Variants in BNC2 observed in about 807,000 individuals in gnomAD.
BNC2 encodes the protein basonuclin zinc finger protein 2, also known as zinc finger protein basonuclin-2.
Under a neutral mutation model 76.3 loss-of-function variants are expected in BNC2, and 20 were observed. The observed-to-expected ratio is 0.26, with a 90% CI of 0.18 to 0.38. The LOEUF (loss-of-function observed/expected upper bound fraction) is 0.38. Among genes scored for constraint, BNC2 ranks in the 10% least tolerant of loss-of-function variants. The pLI is 1.00. For synonymous variants in BNC2, 582 were observed against 514.8 expected, an observed-to-expected ratio of 1.13 and a Z score of -1.77; for missense variants, 1,382 against 1,399.8, an observed-to-expected ratio of 0.99 and a Z score of 0.20.
intron 5 of BNC2, among the ~76,000 whole-genome samples, chr9:16,456,971 T>G (rs929480149): frequency 1.3e-5 from 2 of 152,128 alleles, no homozygotes; most frequent in Admixed American, 1.3e-4. Context: ...TATTCAATAG[T>G]AGAAAGCAGG....
At chr9:16,865,760 AATGAT>A (rs1315107089) in intron 1 of BNC2, among the ~76,000 whole-genome samples, 3 of 152,190 alleles carry the variant, frequency 2.0e-5, no homozygotes, top group Non-Finnish European at 4.4e-5. Context: ...AAACTTAAAG[AATGAT>A]ATATCTGTAA....
intron 5 of BNC2, among the ~76,000 whole-genome samples, chr9:16,480,504 T>A (rs1344073924): frequency 2.6e-5 from 4 of 151,928 alleles, no homozygotes. Flanking sequence ...CAGGGAGGTG[T>A]GGAGGGAGAG....
Position 16,540,798 on chromosome 9 carries a change from T to C in BNC2, c.669+11732A>G, listed in dbSNP as rs137963705. Reference sequence around the variant, plus strand: ...GCTGTTCACACTTCATGGTTTTTCCTTGTTATTGCTCAGGACAGACACTAG... The same window carrying C: ...GCTGTTCACACTTCATGGTTTTTCCCTGTTATTGCTCAGGACAGACACTAG... On this transcript the variant is annotated intron_variant, in intron 5 of 6. Transcript: ENST00000380672. 2.5e-3 allele frequency among the ~76,000 whole-genome samples: 385 copies of C among 152,312 alleles called. 4 individuals carry two copies. The highest frequency in any genetic ancestry group is 0.021 in the Admixed American group (325 of 15,290).
At chr9:16,856,615 G>A (rs1819264945) in intron 1 of BNC2, among the ~76,000 whole-genome samples, 1 of 152,122 alleles carries the variant, frequency 6.6e-6, no homozygotes. Context: ...TTTACTGGGT[G>A]AAAAATATGG....
intron 3 of BNC2, chr9:16,685,576 A>C (rs1457073601): frequency 3.1e-6 from 4 of 1,304,180 alleles, no homozygotes. Flanking sequence ...TGGCTCCTCC[A>C]GGTTTGGGCA....
chr9:16,594,294 C>G (rs368241372), intron 3 of BNC2, among the ~76,000 whole-genome samples: 1 of 152,098 alleles, frequency 6.6e-6, no homozygotes, highest in African/African-American at 2.4e-5. Flanking sequence ...AGAAGTAACA[C>G]AAAAGTTGTC....
chr9:16,446,902 C>A (rs1047307133), intron 5 of BNC2, among the ~76,000 whole-genome samples: 9 of 152,158 alleles, frequency 5.9e-5, no homozygotes, highest in Admixed American at 2.0e-4. Flanking sequence ...TAGCTTAAAA[C>A]CAGCCATATG....
chr9:16,867,801 C>T (rs1390297044), intron 1 of BNC2: 1 of 144,534 alleles, frequency 6.9e-6, no homozygotes, highest in Non-Finnish European at 1.5e-5. Flanking sequence ...CAAGGACTAA[C>T]TTGGAAGGCA....
chr9:16,779,114 T>TAAAAAAAAAAA (rs143267899), intron 1 of BNC2, among the ~76,000 whole-genome samples: 4 of 85,550 alleles, frequency 4.7e-5, no homozygotes, highest in African/African-American at 9.1e-5. Context: ...ACAAAAATTG[T>TAAAAAAAAAAA]AAAAAAAAAA....
intron 3 of BNC2, among the ~76,000 whole-genome samples, chr9:16,696,310 T>A (rs746695119): frequency 6.6e-6 from 1 of 152,210 alleles, no homozygotes; most frequent in African/African-American, 2.4e-5. Flanking sequence ...TCCTTCTTCA[T>A]GAAAAATGCT....
intron 1 of BNC2, among the ~76,000 whole-genome samples, chr9:16,818,560 T>G (rs1818239990): frequency 1.3e-5 from 2 of 152,178 alleles, no homozygotes; most frequent in Admixed American, 1.3e-4. Context: ...TGATTCATAA[T>G]AAATGGTCAA....
chr9:16,555,258 C>T (rs533193032), intron 4 of BNC2, among the ~76,000 whole-genome samples: 104 of 151,990 alleles, frequency 6.8e-4, no homozygotes, highest in African/African-American at 2.4e-3. Context: ...CTCCTGACCT[C>T]GTGATCCACC....
chr9:16,711,202 T>A (rs979495318), intron 3 of BNC2, among the ~76,000 whole-genome samples: 79 of 152,268 alleles, frequency 5.2e-4, no homozygotes, highest in African/African-American at 1.8e-3. Flanking sequence ...AGGATGATCA[T>A]TTTTTTAAAT....
chr9:16,470,329 A>G (rs112159636), intron 5 of BNC2, among the ~76,000 whole-genome samples: 4 of 152,284 alleles, frequency 2.6e-5, no homozygotes, highest in African/African-American at 7.2e-5. Context: ...GCAGAGCACA[A>G]AAGTTTAAAA....
chr9:16,436,552 G>A lies in BNC2; in HGVS notation c.1642C>T (p.Pro548Ser), dbSNP rs1157375825. ...PMGFTTPPLD[P>S]VLQNPLPSQL... ...CTAGGGAGAGGATTTTGCAAGACAGGGTCTAGAGGGGGAGTGGTAAAACCC... is the reference window on the plus strand; with the variant it reads ...CTAGGGAGAGGATTTTGCAAGACAGAGTCTAGAGGGGGAGTGGTAAAACCC... Residue 548 changes from proline (P) to serine (S), a missense_variant, in exon 6 of 7, where the codon CCT (proline) becomes TCT (serine). By Grantham distance (74) the Pro-to-Ser change is moderately conservative (BLOSUM62 -1). Coordinates refer to ENST00000380672, the MANE Select transcript of BNC2 (RefSeq NM_017637.6). 2 of 1,613,956 alleles carry A rather than the reference G, an allele frequency of 1.2e-6. No homozygotes were observed. The highest frequency in any genetic ancestry group is 2.2e-5 in the East Asian group (1 of 44,886).
At chr9:16,756,672 C>T (rs1825391462) in intron 1 of BNC2, among the ~76,000 whole-genome samples, 1 of 152,138 alleles carries the variant, frequency 6.6e-6, no homozygotes, top group Non-Finnish European at 1.5e-5. Context: ...GAACCTCTCC[C>T]CTTGCCTTCA....
intron 5 of BNC2, among the ~76,000 whole-genome samples, chr9:16,536,297 G>A (rs1818128370): frequency 6.6e-6 from 1 of 152,076 alleles, no homozygotes; most frequent in Non-Finnish European, 1.5e-5. Context: ...TTAAAGGCAT[G>A]CAACATTGTG....
chr9:16,856,470 A>C (rs1390109649), intron 1 of BNC2, among the ~76,000 whole-genome samples: 1 of 152,122 alleles, frequency 6.6e-6, no homozygotes, highest in African/African-American at 2.4e-5. Context: ...ACAGGATCTC[A>C]CTATCTTGCC....
intron 5 of BNC2, among the ~76,000 whole-genome samples, chr9:16,517,819 A>C (rs1450610918): frequency 6.6e-6 from 1 of 152,158 alleles, no homozygotes; most frequent in Non-Finnish European, 1.5e-5. Flanking sequence ...TTTCTAAAGC[A>C]GGGTGGACAA....
Sources: allele counts gnomAD v4.1 joint callset (sites outside exome capture counted in the v4.1 genomes callset), GRCh38; gene constraint gnomAD v4.1.1; transcripts MANE v1.5; gene names NCBI Gene and HGNC (gene_info 2026-07-23, HGNC 2026-07-21).